Variants in PTPRU observed in about 807,000 individuals in gnomAD.
The protein encoded by PTPRU is protein tyrosine phosphatase receptor type U.
Under a neutral mutation model 166.3 loss-of-function variants are expected in PTPRU, and 69 were observed. The ratio of observed to expected loss-of-function variants is 0.41; its 90% CI spans 0.34 to 0.51. The LOEUF (loss-of-function observed/expected upper bound fraction) is 0.51. Ranked by LOEUF, PTPRU falls within the 20% of genes least tolerant of loss-of-function variation. PTPRU has a pLI of 0.09. For missense variants in PTPRU, 1,657 were observed against 2,013.7 expected (o/e 0.82, Z 3.39); for synonymous variants, 793 against 814.0 (o/e 0.97, Z 0.44).
chr1:29,270,849 G>A (rs1685530788), intron 7 of PTPRU, among the ~76,000 whole-genome samples: 1 of 152,152 alleles, frequency 6.6e-6, no homozygotes, highest in Non-Finnish European at 1.5e-5. Flanking sequence ...CATGCCTGTG[G>A]TCCCAGCTAC....
In PTPRU at chr1:29,325,204, C is replaced by G; in HGVS notation, c.4126C>G (p.Arg1376Gly). ...TIVHCLNGGG[R>G]SGTFCACATV... ...TCTCTCATTCAGAAACGGGGGAGGA[C>G]GCAGCGGCACCTTCTGCGCCTGCGC... The change falls in exon 29 of 30, where the codon CGC becomes GGC. Residue 1376 changes from arginine to glycine, a missense_variant. Around this residue, in one of 3 missense-constraint regions of PTPRU, gnomAD observed 1,190 missense variants for 1,477.4 expected, o/e 0.81. Coordinates refer to ENST00000373779, the MANE Select transcript of PTPRU (RefSeq NM_133178.4). The G allele has an allele frequency of 1.9e-6, 3 of 1,614,174 alleles. No homozygotes were observed. Among genetic ancestry groups the G allele is most frequent in the Non-Finnish European group, 2.5e-6 (3 of 1,180,038 alleles).
chr1:29,301,389 G>A (rs1280235201), intron 15 of PTPRU, among the ~76,000 whole-genome samples: 2 of 152,178 alleles, frequency 1.3e-5, no homozygotes, highest in Non-Finnish European at 2.9e-5. Context: ...CTACTGCATT[G>A]TCAGTTGTAA....
chr1:29,259,769 C>G (rs1399773327), intron 5 of PTPRU, 101 bp from the exon 6 acceptor site: 2 of 1,363,644 alleles, frequency 1.5e-6, no homozygotes. Flanking sequence ...AACCTATGTC[C>G]GCGCGGTGTA....
At chr1:29,270,590 G>T (rs903117833) in intron 7 of PTPRU, among the ~76,000 whole-genome samples, 1 of 152,138 alleles carries the variant, frequency 6.6e-6, no homozygotes, top group Admixed American at 6.5e-5. Flanking sequence ...ATGAGCTACT[G>T]CACCCAGCCA....
At chr1:29,308,566 C>CAAAA (rs754278193) in intron 18 of PTPRU, among the ~76,000 whole-genome samples, 26,667 of 78,976 alleles carry the variant, frequency 0.34, 4,472 homozygotes, top group South Asian at 0.43. Flanking sequence ...GTCCCTGTCT[C>CAAAA]AAAAAAAAAA....
chr1:29,305,362 C>T lies in PTPRU; in HGVS notation c.2754C>T (p.His918=). ...GCTCTGTGTTTACAGATGATCGGCA[C>T]CGAGTGAAACTGCACCCGATGCTGG... ...RQEPMPAYDR[H]RVKLHPMLGD... The change falls in exon 18 of 30, where the codon CAC becomes CAT. Residue 918 remains histidine (H), a synonymous_variant. Coordinates refer to ENST00000373779, the MANE Select transcript of PTPRU (RefSeq NM_133178.4). 1 of 1,613,924 alleles carries T rather than the reference C, an allele frequency of 6.2e-7. No individual in the cohort carries two copies. The highest frequency in any genetic ancestry group is 8.5e-7 in the Non-Finnish European group (1 of 1,180,038).
chr1:29,259,567 G>T lies in PTPRU; in HGVS notation c.675+3G>T. On this transcript the variant is annotated splice_donor_region_variant and intron_variant, in intron 5 of 29. Coordinates refer to ENST00000373779, the MANE Select transcript of PTPRU (RefSeq NM_133178.4). ...AGGCCGAACGCTTCCTCTTGCAAGT[G>T]AGCGGGAGCGGTGATCTTGGCTGGG... 1 of 1,581,328 alleles carries T rather than the reference G, an allele frequency of 6.3e-7. No individual in the cohort carries two copies. Among genetic ancestry groups the T allele is most frequent in the Non-Finnish European group, 8.6e-7 (1 of 1,163,470 alleles).
In PTPRU at chr1:29,275,428, C is replaced by T; in HGVS notation, c.1145-20C>T. ...TCCCATTTCTTCTAACTTCTTCTCTCTGCTTCCTGCATTCTCCAGAGCCCA... is the reference window on the plus strand; with the variant it reads ...TCCCATTTCTTCTAACTTCTTCTCTTTGCTTCCTGCATTCTCCAGAGCCCA... On this transcript the variant is annotated intron_variant, in intron 7 of 29. Transcript: ENST00000373779. The T allele has an allele frequency of 6.3e-7, 1 of 1,590,216 alleles. No homozygotes were observed.
chr1:29,324,241 T>G (rs976589373), intron 28 of PTPRU, among the ~76,000 whole-genome samples: 3 of 152,220 alleles, frequency 2.0e-5, no homozygotes, highest in Non-Finnish European at 2.9e-5. Flanking sequence ...GTGCAGTCAC[T>G]CCTTTGCTCC....
In PTPRU at chr1:29,258,708, G is replaced by A; in HGVS notation, c.409G>A (p.Gly137Arg). Residue 137 changes from glycine to arginine, a missense_variant, in exon 3 of 30, where the codon GGA (glycine) becomes AGA (arginine). This residue lies in a region of PTPRU where 453 missense variants were observed against 496.9 expected (regional missense o/e 0.91). Transcript: ENST00000373779. Reference protein sequence around the residue: ...PLGSAVWNMTGSHGRQWHQAE... With the variant: ...PLGSAVWNMTRSHGRQWHQAE... Reference sequence around the variant, plus strand: ...GGGCAGTGCTGTGTGGAATATGACTGGATCCCACGGCCGTCAGTGGCACCA... The same window carrying A: ...GGGCAGTGCTGTGTGGAATATGACTAGATCCCACGGCCGTCAGTGGCACCA... 6.2e-7 allele frequency: 1 copy of A among 1,611,412 alleles called. No individual in the cohort carries two copies. Among genetic ancestry groups the A allele is most frequent in the Non-Finnish European group, 8.5e-7 (1 of 1,178,528 alleles).
At chr1:29,266,182 G>A (rs1294801468) in intron 7 of PTPRU, among the ~76,000 whole-genome samples, 3 of 151,696 alleles carry the variant, frequency 2.0e-5, no homozygotes, top group Admixed American at 1.3e-4. Flanking sequence ...CACCATGCCT[G>A]GCTAATTTTG....
intron 1 of PTPRU, among the ~76,000 whole-genome samples, chr1:29,245,874 C>T (rs1684273982): frequency 6.6e-6 from 1 of 152,218 alleles, no homozygotes; most frequent in African/African-American, 2.4e-5. Context: ...TTATATTCTG[C>T]ACCCCATTGC....
At chr1:29,295,734 T>A (rs1259793154) in intron 15 of PTPRU, among the ~76,000 whole-genome samples, 1 of 152,168 alleles carries the variant, frequency 6.6e-6, no homozygotes, top group African/African-American at 2.4e-5. Flanking sequence ...TCACCCAGGC[T>A]GGAGTGCAGT....
At chr1:29,254,815 T>A (rs1684702848) in intron 1 of PTPRU, among the ~76,000 whole-genome samples, 1 of 152,062 alleles carries the variant, frequency 6.6e-6, no homozygotes, top group Non-Finnish European at 1.5e-5. Context: ...AATCCGGAGA[T>A]CTCAGTTCAA....
Position 29,304,896 on chromosome 1 carries a change from G to T in PTPRU, c.2743+47G>T, listed in dbSNP as rs781312205. The T allele has an allele frequency of 3.3e-6, 5 of 1,511,118 alleles. No homozygotes were observed. The South Asian group carries it at 5.9e-5, about 18-fold the overall frequency. The allele number at this position is 1,511,118 out of a possible 1,614,324, so 93.6% of individuals were successfully genotyped here. ...GGGGTCCAGGGCAGTGGGTGGGAGG[G>T]CATCAGGAGGGGGAACACAGCCAGG... is the stretch of plus-strand genomic sequence containing the variant. On this transcript the variant is annotated intron_variant, in intron 17 of 29. Transcript: ENST00000373779.
Position 29,317,357 on chromosome 1 carries a change from C to T in PTPRU, c.3514-391C>T, listed in dbSNP as rs980188181. Among the ~76,000 whole-genome samples, 2 of 152,108 alleles carry T rather than the reference C, an allele frequency of 1.3e-5. No homozygotes were observed. The highest frequency in any genetic ancestry group is 2.9e-5 in the Non-Finnish European group (2 of 68,016). ...GGGTTGCCTCAGTGAAGGCACTGGT[C>T]AGCTAGTAAAGTTCCTCACTGTGCC... On this transcript the variant is annotated intron_variant, in intron 24 of 29. Coordinates refer to ENST00000373779, the MANE Select transcript of PTPRU (RefSeq NM_133178.4). This position sits in a 1 kb window ranked among gnomAD's most constrained non-coding sequence, Gnocchi z 5.6.
At chr1:29,259,147 G>A in intron 3 of PTPRU, 114 bp from the exon 4 acceptor site, 1 of 1,181,768 alleles carries the variant, frequency 8.5e-7, no homozygotes, top group Non-Finnish European at 1.2e-6. Context: ...GTGTGAGCTG[G>A]GCTGACCTCT....
At chr1:29,312,195 A>G (rs1687696634) in intron 21 of PTPRU, among the ~76,000 whole-genome samples, 1 of 152,164 alleles carries the variant, frequency 6.6e-6, no homozygotes, top group Non-Finnish European at 1.5e-5. Flanking sequence ...CAGAGGAAAG[A>G]TAGTTTTTTT....
Position 29,317,714 on chromosome 1 carries a change from CG to C in PTPRU, c.3514-33del, listed in dbSNP as rs752121141. 6.4e-7 allele frequency: 1 copy of C among 1,572,556 alleles called. No homozygotes were observed. Among genetic ancestry groups the C allele is most frequent in the African/African-American group, 1.3e-5 (1 of 74,244 alleles). On this transcript the variant is annotated intron_variant, in intron 24 of 29. Transcript: ENST00000373779. This position sits in a 1 kb window ranked among gnomAD's most constrained non-coding sequence, Gnocchi z 5.6. ...GTGAGGAGGCCCAGCAAGCCCTGGA[CG>C]TAACTCTCTGTCCCCACCCCCGCTC...
Sources: gnomAD v4.1 joint callset for allele counts (sites outside exome capture counted in the v4.1 genomes callset) on GRCh38, gnomAD v4.1.1 for gene constraint, gnomAD v4.1.1 regional missense constraint, Gnocchi (gnomAD v3.1) non-coding constraint, MANE v1.5 for transcripts, NCBI Gene and HGNC (gene_info 2026-07-23, HGNC 2026-07-21) for gene names.